The following GRIA3 variants were observed in gnomAD, a reference collection of about 807,000 sequenced individuals.
The protein encoded by GRIA3 is glutamate receptor 3.
In GRIA3, 3 loss-of-function variants were observed where a neutral mutation model predicts 63.0. That is an observed-to-expected ratio of 0.05 (90% CI 0.02 to 0.12). The LOEUF is 0.12. Ranked by LOEUF, GRIA3 falls within the 10% of genes least tolerant of loss-of-function variation. The probability of loss-of-function intolerance (pLI) is 1.00; values close to 1 mark genes in which losing one functional copy is unlikely to be tolerated. For missense variants in GRIA3, 347 were observed against 700.9 expected (o/e 0.50, Z 5.70); for synonymous variants, 274 against 257.9 (o/e 1.06, Z -0.60).
chrX:123,355,196 A>C (rs1003289113), intron 5 of GRIA3, among the ~76,000 whole-genome samples: 1 of 112,550 alleles, frequency 8.9e-6, no homozygotes, highest in Non-Finnish European at 1.9e-5. Context: ...GATATGATTC[A>C]TTACTTATTT....
intron 2 of GRIA3, among the ~76,000 whole-genome samples, chrX:123,238,191 T>G (rs1324810904): frequency 9.0e-6 from 1 of 111,522 alleles, no homozygotes; most frequent in Non-Finnish European, 1.9e-5. Flanking sequence ...CCTTCCCAAC[T>G]CAAAAGTTTA....
In GRIA3 at chrX:123,360,086, TG is replaced by T. The variant is rs781493398; in HGVS notation, c.750+5124del. 9.7e-4 allele frequency among the ~76,000 whole-genome samples: 109 copies of T among 112,056 alleles called. 1 individual carries two copies. Among genetic ancestry groups the T allele is most frequent in the African/African-American group, 3.3e-3 (103 of 30,838 alleles). ...AGAACTTCTATGAGGAGAGACTTCT[TG>T]CCCACCCACCTTCCTAAGCCTTTTA... On this transcript the variant is annotated intron_variant, in intron 5 of 15. Coordinates refer to ENST00000620443, the MANE Select transcript of GRIA3 (RefSeq NM_007325.5).
intron 5 of GRIA3, among the ~76,000 whole-genome samples, chrX:123,382,842 C>T (rs188304174): frequency 8.9e-6 from 1 of 112,109 alleles, no homozygotes; most frequent in Admixed American, 9.4e-5. Context: ...TTTTAACATG[C>T]TATGAATATT....
chrX:123,380,595 TG>T (rs2045318206), intron 5 of GRIA3, among the ~76,000 whole-genome samples: 1 of 111,995 alleles, frequency 8.9e-6, no homozygotes, highest in African/African-American at 3.2e-5. Flanking sequence ...TTCTGTAGGT[TG>T]CCTGTTCACT....
At chrX:123,387,463 T>G (rs2045360175) in intron 5 of GRIA3, among the ~76,000 whole-genome samples, 1 of 111,726 alleles carries the variant, frequency 9.0e-6, no homozygotes, top group Middle Eastern at 4.6e-3. Flanking sequence ...CGACTTCCAG[T>G]AATACATTGA....
chrX:123,226,924 C>A, intron 2 of GRIA3, among the ~76,000 whole-genome samples: 1 of 64,023 alleles, frequency 1.6e-5, no homozygotes, highest in East Asian at 3.3e-3. Flanking sequence ...CTGACCCCCT[C>A]CAATACACAC....
At chrX:123,370,056 A>G (rs748760727) in intron 5 of GRIA3, among the ~76,000 whole-genome samples, 2 of 111,430 alleles carry the variant, frequency 1.8e-5, no homozygotes, top group South Asian at 7.7e-4. Flanking sequence ...GTTGAGTGGG[A>G]CTTGGGTTCA....
intron 7 of GRIA3, among the ~76,000 whole-genome samples, chrX:123,402,017 A>T (rs1368850101): frequency 9.0e-6 from 1 of 111,614 alleles, no homozygotes; most frequent in African/African-American, 3.3e-5. Context: ...CATAATACTG[A>T]GCCCAGGCCC....
chrX:123,248,975 C>T (rs1272592095), intron 2 of GRIA3, among the ~76,000 whole-genome samples: 1 of 111,703 alleles, frequency 9.0e-6, no homozygotes, highest in Non-Finnish European at 1.9e-5. Flanking sequence ...TCATGGGAAA[C>T]CCCTGGTAGA....
intron 2 of GRIA3, among the ~76,000 whole-genome samples, chrX:123,188,175 C>A (rs1370629643): frequency 8.9e-6 from 1 of 111,802 alleles, no homozygotes; most frequent in Non-Finnish European, 1.9e-5. Context: ...TATCCAGCTG[C>A]CTGTTGCTTT....
At chrX:123,352,999 G>A (rs891125260) in intron 4 of GRIA3, among the ~76,000 whole-genome samples, 1 of 96,662 alleles carries the variant, frequency 1.0e-5, no homozygotes, top group African/African-American at 3.8e-5. Context: ...CTGCTCTCTT[G>A]TCCTCTCTCT....
intron 4 of GRIA3, among the ~76,000 whole-genome samples, chrX:123,331,454 C>T (rs1457601038): frequency 3.6e-5 from 4 of 111,731 alleles, no homozygotes; most frequent in African/African-American, 1.3e-4. Context: ...AGAGTGCTCA[C>T]ACTTCAAAAT....
At chrX:123,402,028 A>C (rs893899315) in intron 7 of GRIA3, among the ~76,000 whole-genome samples, 6 of 111,642 alleles carry the variant, frequency 5.4e-5, no homozygotes, top group Non-Finnish European at 7.5e-5. Flanking sequence ...GCCCAGGCCC[A>C]GGAAAAATTG....
In GRIA3 at chrX:123,447,188, G is replaced by C. The variant is rs1489637489; in HGVS notation, c.2077-17677G>C. Among the ~76,000 whole-genome samples the C allele has an allele frequency of 3.6e-5, 4 of 111,506 alleles. No individual in the cohort carries two copies. The Admixed American group carries it at 3.8e-4, about 11-fold the overall frequency. Reference sequence around the variant, plus strand: ...ACTTGAGGTTAGGAGTTTGAGACCAGCCTGGCCAACATGGTGAAATCCCAT... The same window carrying C: ...ACTTGAGGTTAGGAGTTTGAGACCACCCTGGCCAACATGGTGAAATCCCAT... On this transcript the variant is annotated intron_variant, in intron 12 of 15. Transcript: ENST00000620443.
chrX:123,256,344 AC>A (rs940493603), intron 3 of GRIA3, among the ~76,000 whole-genome samples: 1 of 111,940 alleles, frequency 8.9e-6, no homozygotes, highest in African/African-American at 3.3e-5. Flanking sequence ...TAACAAAAAA[AC>A]AATTGCACAT....
At chrX:123,457,296 A>G (rs2045767334) in intron 12 of GRIA3, among the ~76,000 whole-genome samples, 1 of 111,385 alleles carries the variant, frequency 9.0e-6, no homozygotes, top group African/African-American at 3.3e-5. Context: ...GAACACCTCT[A>G]TGAGGACCAT....
chrX:123,358,851 T>C (rs762544494), intron 5 of GRIA3: 3 of 112,002 alleles, frequency 2.7e-5, no homozygotes, highest in African/African-American at 9.7e-5. Flanking sequence ...GCATGTTATG[T>C]AAAGTGATTT....
chrX:123,453,721 T>C (rs776932382), intron 12 of GRIA3, among the ~76,000 whole-genome samples: 2 of 110,399 alleles, frequency 1.8e-5, no homozygotes, highest in East Asian at 5.8e-4. Context: ...TTTGATCCTA[T>C]GAGGAGATCA....
chrX:123,341,450 A>T (rs2045008266), intron 4 of GRIA3, among the ~76,000 whole-genome samples: 1 of 110,331 alleles, frequency 9.1e-6, no homozygotes, highest in Admixed American at 9.7e-5. Context: ...AGCATTCATT[A>T]AAAAAAAATG....
Sources: allele counts gnomAD v4.1 joint callset (sites outside exome capture counted in the v4.1 genomes callset), GRCh38; gene constraint gnomAD v4.1.1; transcripts MANE v1.5; gene names NCBI Gene and HGNC (gene_info 2026-07-23, HGNC 2026-07-21).